The following SHANK2 variants were observed in gnomAD, a reference collection of about 807,000 sequenced individuals.
SHANK2 encodes SH3 and multiple ankyrin repeat domains 2.
In SHANK2, 43 loss-of-function variants were observed where a neutral mutation model predicts 133.7. The observed-to-expected ratio is 0.32, with a 90% CI of 0.25 to 0.41. SHANK2 has a LOEUF of 0.41. Ranked by LOEUF, SHANK2 falls within the 10% of genes least tolerant of loss-of-function variation. SHANK2 has a pLI of 1.00. For missense variants in SHANK2, 1,994 were observed against 2,235.8 expected, an observed-to-expected ratio of 0.89 and a Z score of 2.18; for synonymous variants, 1,017 against 952.8, an observed-to-expected ratio of 1.07 and a Z score of -1.24.
At chr11:70,793,717 C>T (rs1947846414) in intron 14 of SHANK2, among the ~76,000 whole-genome samples, 1 of 149,386 alleles carries the variant, frequency 6.7e-6, no homozygotes, top group Non-Finnish European at 1.5e-5. Context: ...CTGGAACTCT[C>T]ACACACTGCC....
intron 14 of SHANK2, among the ~76,000 whole-genome samples, chr11:70,729,406 T>C (rs1555031503): frequency 6.6e-6 from 1 of 152,078 alleles, no homozygotes; most frequent in Non-Finnish European, 1.5e-5. Context: ...AGGAAGTAAC[T>C]GCTTCATGGG....
intron 2 of SHANK2, among the ~76,000 whole-genome samples, chr11:71,177,402 G>C (rs556957268): frequency 2.0e-5 from 3 of 152,136 alleles, no homozygotes; most frequent in Non-Finnish European, 4.4e-5. Context: ...TGGGAAAATG[G>C]AAGCATATTA....
intron 14 of SHANK2, among the ~76,000 whole-genome samples, chr11:70,701,165 C>T (rs950293478): frequency 2.7e-5 from 4 of 150,314 alleles, no homozygotes; most frequent in Non-Finnish European, 4.4e-5. Flanking sequence ...TGTGTGTGTA[C>T]GCGTGTGTGT....
chr11:70,848,856 T>A (rs1250182728), intron 11 of SHANK2, among the ~76,000 whole-genome samples: 1 of 152,174 alleles, frequency 6.6e-6, no homozygotes, highest in Non-Finnish European at 1.5e-5. Flanking sequence ...CAAGCAAGCC[T>A]GATGCCAGCT....
intron 3 of SHANK2, among the ~76,000 whole-genome samples, chr11:71,140,672 G>A (rs193142341): frequency 2.2e-4 from 34 of 152,334 alleles, no homozygotes; most frequent in African/African-American, 4.8e-4. Flanking sequence ...TGCTCCCCGG[G>A]CTGAACGCCA....
At chr11:71,208,203 C>G (rs1043804228) in intron 2 of SHANK2, among the ~76,000 whole-genome samples, 2 of 151,974 alleles carry the variant, frequency 1.3e-5, no homozygotes, top group Non-Finnish European at 2.9e-5. Context: ...AGGAGGGTGC[C>G]CTGGAGGGGC....
chr11:71,224,366 C>T (rs1222826157), intron 2 of SHANK2, among the ~76,000 whole-genome samples: 7 of 152,084 alleles, frequency 4.6e-5, no homozygotes, highest in African/African-American at 1.7e-4. Context: ...GTGAAAATGA[C>T]GGAGAGGAGC....
chr11:70,703,541 T>G (rs1945589795), intron 14 of SHANK2, among the ~76,000 whole-genome samples: 1 of 152,116 alleles, frequency 6.6e-6, no homozygotes, highest in African/African-American at 2.4e-5. Flanking sequence ...GGACTTGCTG[T>G]GCACTGCGCT....
chr11:70,870,330 G>A (rs1949439675), intron 11 of SHANK2, among the ~76,000 whole-genome samples: 1 of 152,160 alleles, frequency 6.6e-6, no homozygotes, highest in Non-Finnish European at 1.5e-5. Context: ...GCAGATTCAG[G>A]AAATAGAAAA....
chr11:70,603,282 A>G (rs1208588504), intron 17 of SHANK2: 3 of 152,402 alleles, frequency 2.0e-5, no homozygotes, highest in African/African-American at 7.2e-5. Context: ...CTCAGGCCCC[A>G]TGAGCAGTTG....
At chr11:70,839,096 G>A (rs1326238010) in intron 11 of SHANK2, among the ~76,000 whole-genome samples, 2 of 152,210 alleles carry the variant, frequency 1.3e-5, no homozygotes, top group Non-Finnish European at 2.9e-5. Flanking sequence ...ATCACTATGG[G>A]AAAGCAGAAG....
intron 15 of SHANK2, among the ~76,000 whole-genome samples, chr11:70,662,408 C>A (rs1159500431): frequency 1.3e-5 from 2 of 152,186 alleles, no homozygotes; most frequent in Admixed American, 1.3e-4. Flanking sequence ...GCAGGCTGGG[C>A]TGGGAGAGGG....
chr11:70,689,526 A>T (rs896881977), intron 15 of SHANK2, among the ~76,000 whole-genome samples: 5 of 152,198 alleles, frequency 3.3e-5, no homozygotes, highest in Admixed American at 1.3e-4. Context: ...AGAAAATATG[A>T]CATTCCTACA....
intron 17 of SHANK2, among the ~76,000 whole-genome samples, chr11:70,522,241 C>T (rs1455491134): frequency 4.6e-5 from 7 of 152,238 alleles, no homozygotes; most frequent in Non-Finnish European, 7.3e-5. Context: ...TGGTCTCTGC[C>T]TCTTTAAGGA....
At chr11:70,549,385 A>G (rs2059736309) in intron 17 of SHANK2, among the ~76,000 whole-genome samples, 1 of 152,174 alleles carries the variant, frequency 6.6e-6, no homozygotes, top group Non-Finnish European at 1.5e-5. Flanking sequence ...CCCCCTAGTG[A>G]AGGGCCCTTA....
chr11:71,240,052 T>C (rs1360583643), intron 1 of SHANK2, among the ~76,000 whole-genome samples: 2 of 152,182 alleles, frequency 1.3e-5, no homozygotes, highest in Admixed American at 1.3e-4. Flanking sequence ...AATTCTAGAC[T>C]GCTTCTGGTA....
intron 14 of SHANK2, among the ~76,000 whole-genome samples, chr11:70,737,312 T>A (rs1946426437): frequency 2.0e-5 from 3 of 152,244 alleles, no homozygotes; most frequent in Admixed American, 1.3e-4. Context: ...ACCTGCCTGA[T>A]CTGCCTGCCA....
chr11:70,810,913 C>T (rs993759534), intron 12 of SHANK2, among the ~76,000 whole-genome samples: 2 of 152,266 alleles, frequency 1.3e-5, no homozygotes, highest in Non-Finnish European at 2.9e-5. Context: ...CTCTCCTGGC[C>T]GGTGATGCGA....
intron 14 of SHANK2, among the ~76,000 whole-genome samples, chr11:70,755,068 A>G (rs1157158085): frequency 6.6e-6 from 1 of 151,976 alleles, no homozygotes; most frequent in African/African-American, 2.4e-5. Context: ...AACCCTGTTC[A>G]TAATCTTTTT....
Sources: gnomAD v4.1 joint callset for allele counts (sites outside exome capture counted in the v4.1 genomes callset) on GRCh38, gnomAD v4.1.1 for gene constraint, MANE v1.5 for transcripts, NCBI Gene and HGNC (gene_info 2026-07-23, HGNC 2026-07-21) for gene names.